The following CNTNAP5 variants were observed in gnomAD, a reference collection of about 807,000 sequenced individuals.
CNTNAP5 encodes the protein contactin associated protein family member 5.
CNTNAP5 carries 72 observed loss-of-function variants against 150.2 expected under a neutral mutation model. That is an observed-to-expected ratio of 0.48 (90% confidence interval 0.40 to 0.58). The LOEUF is 0.58. CNTNAP5 is among the 20% of genes least tolerant of loss of function. The pLI is 0.00. For synonymous variants in CNTNAP5, 672 were observed against 619.8 expected (o/e 1.08, Z -1.25); for missense variants, 1,636 against 1,626.2 (o/e 1.01, Z -0.10).
chr2:124,642,381 C>T (rs57674679), intron 12 of CNTNAP5, among the ~76,000 whole-genome samples: 1 of 152,118 alleles, frequency 6.6e-6, no homozygotes, highest in Non-Finnish European at 1.5e-5. Flanking sequence ...CTTAAAAGAG[C>T]AGCTTCAGAA....
intron 13 of CNTNAP5, among the ~76,000 whole-genome samples, chr2:124,693,322 A>G: frequency 6.6e-6 from 1 of 152,268 alleles, no homozygotes; most frequent in South Asian, 2.1e-4. Flanking sequence ...TCAAAATAAA[A>G]ATCCCAGGAA....
At chr2:124,041,164 C>T (rs561974638) in intron 1 of CNTNAP5, among the ~76,000 whole-genome samples, 65 of 152,270 alleles carry the variant, frequency 4.3e-4, no homozygotes, top group Admixed American at 1.2e-3. Flanking sequence ...CAAAATCAAT[C>T]CTAGGGGAGA....
intron 20 of CNTNAP5, among the ~76,000 whole-genome samples, chr2:124,868,528 A>G (rs965077629): frequency 2.0e-5 from 3 of 152,142 alleles, no homozygotes; most frequent in Non-Finnish European, 4.4e-5. Context: ...TGATCAGCTT[A>G]TTTAATAGAG....
intron 1 of CNTNAP5, among the ~76,000 whole-genome samples, chr2:124,128,703 C>T (rs562561098): frequency 1.3e-5 from 2 of 152,210 alleles, no homozygotes; most frequent in South Asian, 2.1e-4. Context: ...AAATGTGTCA[C>T]GTATACACCA....
intron 12 of CNTNAP5, among the ~76,000 whole-genome samples, chr2:124,634,475 C>T (rs968052539): frequency 7.2e-5 from 11 of 152,062 alleles, no homozygotes; most frequent in Non-Finnish European, 1.5e-4. Context: ...ATATATGATG[C>T]ACACACAGGC....
In CNTNAP5 at chr2:124,255,586, ATAATT is replaced by A. The variant is rs1460721314; in HGVS notation, c.381+13195_381+13199del. Among the ~76,000 whole-genome samples the A allele has an allele frequency of 5.2e-3, 362 of 69,556 alleles. 1 individual carries two copies. The highest frequency in any genetic ancestry group is 9.5e-3 in the Admixed American group (56 of 5,896). The allele number at this position is 69,556 out of a possible 152,430, so 45.6% of individuals were successfully genotyped here. A position where few individuals can be genotyped will look rare whatever the true frequency, so the allele number is the denominator to read the frequency against. ...AAATAAAATAAAATAAAATAAAATA[ATAATT>A]TTTTTTTAAAAAGTAAATAAAAGCA... is the stretch of plus-strand genomic sequence containing the variant. On this transcript the variant is annotated intron_variant, in intron 3 of 23. Coordinates refer to ENST00000682447, the MANE Select transcript of CNTNAP5 (RefSeq NM_001367498.1).
chr2:124,477,813 G>A (rs1693677165), intron 7 of CNTNAP5, among the ~76,000 whole-genome samples: 1 of 151,956 alleles, frequency 6.6e-6, no homozygotes, highest in African/African-American at 2.4e-5. Context: ...TTGGAGCAGG[G>A]GCACTACATT....
intron 1 of CNTNAP5, among the ~76,000 whole-genome samples, chr2:124,099,422 A>G (rs986573352): frequency 2.0e-5 from 3 of 152,134 alleles, no homozygotes; most frequent in Admixed American, 6.5e-5. Context: ...TGAGGGCAAA[A>G]TCTGTCATAT....
At chr2:124,124,142 G>T (rs929934322) in intron 1 of CNTNAP5, among the ~76,000 whole-genome samples, 5 of 152,112 alleles carry the variant, frequency 3.3e-5, no homozygotes, top group Admixed American at 3.3e-4. Flanking sequence ...CGAACCCACT[G>T]CAAAGAAGCT....
intron 11 of CNTNAP5, among the ~76,000 whole-genome samples, chr2:124,588,423 GC>G (rs1264393536): frequency 1.3e-5 from 2 of 151,844 alleles, no homozygotes; most frequent in Non-Finnish European, 2.9e-5. Context: ...CTCAGAGTAT[GC>G]CAATTGTCGT....
chr2:124,126,900 G>A (rs1033005680), intron 1 of CNTNAP5, among the ~76,000 whole-genome samples: 1 of 152,060 alleles, frequency 6.6e-6, no homozygotes, highest in Non-Finnish European at 1.5e-5. Context: ...GGTATTGATG[G>A]GACGTATCTC....
intron 3 of CNTNAP5, among the ~76,000 whole-genome samples, chr2:124,360,948 A>T (rs1202922255): frequency 1.4e-5 from 2 of 144,366 alleles, no homozygotes; most frequent in African/African-American, 5.2e-5. Flanking sequence ...AGGTACACCA[A>T]TCAGATGTAG....
At chr2:124,529,229 A>G (rs1263338488) in intron 10 of CNTNAP5, among the ~76,000 whole-genome samples, 2 of 152,160 alleles carry the variant, frequency 1.3e-5, no homozygotes, top group African/African-American at 4.8e-5. Context: ...ATCCTACTTC[A>G]TCAGCCAGTG....
chr2:124,764,199 A>G (rs1681020358), intron 16 of CNTNAP5, 52 bp downstream of exon 16: 1 of 1,505,026 alleles, frequency 6.6e-7, no homozygotes, highest in East Asian at 2.3e-5. Flanking sequence ...AACAAGTTTT[A>G]GTCTTGTTTT....
intron 3 of CNTNAP5, among the ~76,000 whole-genome samples, chr2:124,264,945 A>G (rs1457428307): frequency 6.6e-6 from 1 of 152,136 alleles, no homozygotes; most frequent in African/African-American, 2.4e-5. Context: ...CCTTTTCCCA[A>G]GTTAGTGTGC....
intron 22 of CNTNAP5, among the ~76,000 whole-genome samples, chr2:124,906,002 G>T (rs1354233669): frequency 6.6e-6 from 1 of 152,152 alleles, no homozygotes; most frequent in Non-Finnish European, 1.5e-5. Flanking sequence ...CATGCTTGCA[G>T]GCCTATTGTT....
chr2:124,910,934 A>G (rs1445621484), intron 22 of CNTNAP5, among the ~76,000 whole-genome samples: 1 of 152,034 alleles, frequency 6.6e-6, no homozygotes, highest in South Asian at 2.1e-4. Flanking sequence ...GCAAAGACTC[A>G]GATTAAGGCC....
At chr2:124,110,798 C>G (rs1683276922) in intron 1 of CNTNAP5, among the ~76,000 whole-genome samples, 1 of 152,182 alleles carries the variant, frequency 6.6e-6, no homozygotes, top group African/African-American at 2.4e-5. Context: ...GGATAACTGT[C>G]TCATCTCTAT....
intron 1 of CNTNAP5, among the ~76,000 whole-genome samples, chr2:124,188,401 C>T (rs894611820): frequency 4.9e-4 from 74 of 151,982 alleles, no homozygotes; most frequent in African/African-American, 1.8e-3. Context: ...TTAACAGAAA[C>T]ATCTATTTAT....
Sources: allele counts gnomAD v4.1 joint callset (sites outside exome capture counted in the v4.1 genomes callset), GRCh38; gene constraint gnomAD v4.1.1; transcripts MANE v1.5; gene names NCBI Gene and HGNC (gene_info 2026-07-23, HGNC 2026-07-21).